The following FAM168A variants were observed in gnomAD, a reference collection of about 807,000 sequenced individuals.
The protein encoded by FAM168A is protein FAM168A.
FAM168A carries 3 observed loss-of-function variants against 28.5 expected under a neutral mutation model. The observed-to-expected ratio is 0.11, with a 90% CI of 0.05 to 0.27. The LOEUF is 0.27. FAM168A is among the 10% of genes least tolerant of loss of function. The pLI, the probability that FAM168A is intolerant of heterozygous loss-of-function variation, is 1.00. For synonymous variants in FAM168A, 122 were observed against 124.2 expected (o/e 0.98, Z 0.12); for missense variants, 222 against 311.5 (o/e 0.71, Z 2.16).
At chr11:73,570,622 T>C (rs1313158809) in intron 1 of FAM168A, among the ~76,000 whole-genome samples, 1 of 151,568 alleles carries the variant, frequency 6.6e-6, no homozygotes, top group Non-Finnish European at 1.5e-5. Context: ...TTGTCCCAGC[T>C]ACTCAGGAGG....
Position 73,459,974 on chromosome 11 carries a change from G to A in FAM168A, c.70+8431C>T, listed in dbSNP as rs552096158. Among the ~76,000 whole-genome samples the A allele has an allele frequency of 1.5e-4, 22 of 142,670 alleles. 1 individual carries two copies. Among genetic ancestry groups the A allele is most frequent in the Admixed American group, 6.6e-4 (9 of 13,690 alleles). 93.6% of individuals were successfully genotyped at this position (142,670 alleles called of 152,430 possible). A position where few individuals can be genotyped will look rare whatever the true frequency, so the allele number is the denominator to read the frequency against. On this transcript the variant is annotated intron_variant, in intron 2 of 7. Transcript: ENST00000356467. ...TGACTCACTGCAAGCTCCGCCTCCC[G>A]GGTTCACACCATTCTCCTGCCTCAC...
chr11:73,504,010 G>A (rs887040302), intron 1 of FAM168A, among the ~76,000 whole-genome samples: 2 of 152,058 alleles, frequency 1.3e-5, no homozygotes, highest in East Asian at 1.9e-4. Flanking sequence ...AACTCAAGAC[G>A]GATTAAAGAC....
rs760822808 is a variant in FAM168A, at chr11:73,508,541, G to A, written c.-18-40049C>T. Among the ~76,000 whole-genome samples, 8 of 152,232 alleles carry A rather than the reference G, an allele frequency of 5.3e-5. No individual in the cohort carries two copies. In the South Asian group the frequency reaches 8.3e-4, roughly 16 times the overall value. On this transcript the variant is annotated intron_variant, in intron 1 of 7. Transcript: ENST00000356467. ...TACTTCTAGCCCTGCAGGTAGGTGC[G>A]TGCGTGCATGCGTGGGTGCGTGTGT...
chr11:73,578,295 G>A (rs1301134649), intron 1 of FAM168A, among the ~76,000 whole-genome samples: 2 of 152,126 alleles, frequency 1.3e-5, no homozygotes, highest in African/African-American at 4.8e-5. Context: ...GATATGAGGA[G>A]AATGAGGAGG....
chr11:73,569,199 T>C (rs539586798), intron 1 of FAM168A, among the ~76,000 whole-genome samples: 2 of 152,210 alleles, frequency 1.3e-5, no homozygotes, highest in South Asian at 2.1e-4. Flanking sequence ...GGAGAAAGCA[T>C]AGGATATAAA....
intron 1 of FAM168A, among the ~76,000 whole-genome samples, chr11:73,496,953 C>T (rs970012843): frequency 7.3e-5 from 11 of 151,140 alleles, no homozygotes; most frequent in Non-Finnish European, 1.5e-4. Flanking sequence ...AACACCAAAA[C>T]TACTAAATCA....
intron 1 of FAM168A, among the ~76,000 whole-genome samples, chr11:73,508,846 T>A (rs951780528): frequency 5.9e-5 from 9 of 152,154 alleles, no homozygotes; most frequent in Non-Finnish European, 7.4e-5. Context: ...TGATCACCAA[T>A]GGGAACTAGT....
chr11:73,560,672 C>T (rs769391245), intron 1 of FAM168A, among the ~76,000 whole-genome samples: 23 of 152,110 alleles, frequency 1.5e-4, no homozygotes, highest in African/African-American at 2.9e-4. Flanking sequence ...TACTAAATGC[C>T]GACAAGTATG....
At position 73,513,310 on chromosome 11, in the gene FAM168A, C is replaced by T. The variant is rs891700653; in HGVS notation, c.-18-44818G>A. Among the ~76,000 whole-genome samples, 7 of 149,062 alleles carry T rather than the reference C, an allele frequency of 4.7e-5. 1 individual carries two copies. Among genetic ancestry groups the T allele is most frequent in the Admixed American group, 1.3e-4 (2 of 14,842 alleles). ...CTGCAAGCTCTGCCTCCCAGGTTCA[C>T]GCCATTCTCCTGCCTCAGCCTCCCG... On this transcript the variant is annotated intron_variant, in intron 1 of 7. Coordinates refer to ENST00000356467, the MANE Select transcript of FAM168A (RefSeq NM_015159.3).
intron 1 of FAM168A, among the ~76,000 whole-genome samples, chr11:73,476,383 C>T (rs967128531): frequency 2.9e-5 from 4 of 136,986 alleles, no homozygotes; most frequent in Non-Finnish European, 4.5e-5. Context: ...GCAAAGGAGA[C>T]AGACTCTACA....
intron 1 of FAM168A, among the ~76,000 whole-genome samples, chr11:73,496,872 ATC>A (rs1491136643): frequency 1.0e-3 from 119 of 117,544 alleles, no homozygotes; most frequent in Non-Finnish European, 1.4e-3. Flanking sequence ...GTATGTTCTT[ATC>A]ACACACACAC....
intron 1 of FAM168A, among the ~76,000 whole-genome samples, chr11:73,538,419 G>T (rs543182098): frequency 6.6e-6 from 1 of 151,832 alleles, no homozygotes; most frequent in African/African-American, 2.4e-5. Flanking sequence ...ACTAATACTG[G>T]CAAGGATTGA....
intron 2 of FAM168A, among the ~76,000 whole-genome samples, chr11:73,447,439 G>C (rs1379493239): frequency 1.3e-5 from 2 of 151,546 alleles, no homozygotes; most frequent in East Asian, 3.9e-4. Flanking sequence ...TGTATTCCCA[G>C]CTACTTGGGA....
rs1943533585 is a variant in FAM168A at position 73,533,061 on chromosome 11, G to C, written c.-18-64569C>G. Among the ~76,000 whole-genome samples, 2 of 152,212 alleles carry C rather than the reference G, an allele frequency of 1.3e-5. 1 individual carries two copies. The highest frequency in any genetic ancestry group is 4.1e-4 in the South Asian group (2 of 4,832). ...CAAAGGCTAGAACAGAGAAACGACA[G>C]AGCAGTAAGGTTCGAATCAGACAAC... On this transcript the variant is annotated intron_variant, in intron 1 of 7. Coordinates refer to ENST00000356467, the MANE Select transcript of FAM168A (RefSeq NM_015159.3).
At chr11:73,545,027 A>ATATAATATATATATATAATATATTTTTT (rs57233496) in intron 1 of FAM168A, among the ~76,000 whole-genome samples, 1 of 77,468 alleles carries the variant, frequency 1.3e-5, no homozygotes, top group Admixed American at 1.6e-4. Flanking sequence ...TAGTATATAT[A>ATATAATATATATATATAATATATTTTTT]ATATATATAT....
At chr11:73,476,091 T>C (rs1867884453) in intron 1 of FAM168A, among the ~76,000 whole-genome samples, 1 of 152,208 alleles carries the variant, frequency 6.6e-6, no homozygotes, top group Non-Finnish European at 1.5e-5. Flanking sequence ...GAAGGTCTTC[T>C]GTATCTGCTG....
intron 3 of FAM168A, among the ~76,000 whole-genome samples, chr11:73,425,522 C>T (rs1040441305): frequency 1.3e-5 from 2 of 152,230 alleles, no homozygotes; most frequent in Admixed American, 1.3e-4. Flanking sequence ...CTCTGGGTCA[C>T]TGTGGTGCTA....
intron 1 of FAM168A, 142 bp from the exon 2 acceptor site, chr11:73,468,634 T>A (rs1250770977): frequency 6.4e-6 from 4 of 629,886 alleles, no homozygotes; most frequent in Non-Finnish European, 1.1e-5. Context: ...AAAGCCAATT[T>A]GCTTGTAGTT....
At chr11:73,436,929 T>C (rs79994237) in intron 2 of FAM168A, among the ~76,000 whole-genome samples, 12,402 of 152,204 alleles carry the variant, frequency 0.081, 645 homozygotes, top group Non-Finnish European at 0.11. Context: ...AAACAACAAC[T>C]ACTGTTTCCA....
Sources: allele counts gnomAD v4.1 joint callset (sites outside exome capture counted in the v4.1 genomes callset), GRCh38; gene constraint gnomAD v4.1.1; transcripts MANE v1.5; gene names NCBI Gene and HGNC (gene_info 2026-07-23, HGNC 2026-07-21).